SNX13: variants seen among roughly 807,000 people sequenced by gnomAD.
The protein encoded by SNX13 is sorting nexin 13.
SNX13 carries 45 observed loss-of-function variants against 133.6 expected under a neutral mutation model. The ratio of observed to expected loss-of-function variants is 0.34; its 90% CI spans 0.27 to 0.43. The LOEUF is 0.43. Among genes scored for constraint, SNX13 ranks in the 20% least tolerant of loss-of-function variants. SNX13 has a pLI of 1.00. For missense variants in SNX13, 1,032 were observed against 1,145.1 expected (o/e 0.90, Z 1.43); for synonymous variants, 414 against 373.9 (o/e 1.11, Z -1.24).
intron 15 of SNX13, among the ~76,000 whole-genome samples, chr7:17,833,139 CATCCAACCCTAGATA>C (rs1788717621): frequency 6.6e-6 from 1 of 151,540 alleles, no homozygotes; most frequent in South Asian, 2.1e-4. Flanking sequence ...CCAGAAAGAT[CATCCAACCCTAGATA>C]TTTAATTAGA....
intron 9 of SNX13, among the ~76,000 whole-genome samples, chr7:17,857,080 T>C (rs1792001376): frequency 6.6e-6 from 1 of 151,816 alleles, no homozygotes; most frequent in Non-Finnish European, 1.5e-5. Flanking sequence ...AACTGAAATA[T>C]AAAGAATCAT....
chr7:17,921,469 C>G (rs1800123770), intron 1 of SNX13, among the ~76,000 whole-genome samples: 1 of 152,168 alleles, frequency 6.6e-6, no homozygotes, highest in Non-Finnish European at 1.5e-5. Context: ...TCCCCGACAA[C>G]TTCACTATTT....
intron 5 of SNX13, among the ~76,000 whole-genome samples, chr7:17,885,297 CAA>C (rs369504773): frequency 1.1e-4 from 13 of 120,998 alleles, no homozygotes; most frequent in Non-Finnish European, 5.4e-5. Context: ...TCCATAGAGA[CAA>C]AAAAAAAAAA....
rs533144902 is a variant in SNX13 at position 17,916,823 on chromosome 7, A to G, written c.13-19377T>C. ...CCCTAACTCATTCTACAAAACCAGAATCATCCTGATACCAATTTCTGGCAA... is the reference window on the plus strand; with the variant it reads ...CCCTAACTCATTCTACAAAACCAGAGTCATCCTGATACCAATTTCTGGCAA... On this transcript the variant is annotated intron_variant, in intron 1 of 25. Coordinates refer to ENST00000428135, the MANE Select transcript of SNX13 (RefSeq NM_015132.5). Among the ~76,000 whole-genome samples, 13 of 152,266 alleles carry G rather than the reference A, an allele frequency of 8.5e-5. No homozygotes were observed. In the South Asian group the frequency reaches 2.1e-3, roughly 24 times the overall value.
chr7:17,868,350 T>C (rs1461680979), intron 9 of SNX13, 57 bp downstream of exon 9: 2 of 1,315,298 alleles, frequency 1.5e-6, no homozygotes, highest in African/African-American at 1.5e-5. Context: ...CCCAACTATA[T>C]TTTTACATTT....
intron 15 of SNX13, chr7:17,830,609 T>C (rs879792858): frequency 6.6e-5 from 65 of 984,020 alleles, no homozygotes; most frequent in Non-Finnish European, 7.6e-5. Flanking sequence ...AAACTGCATA[T>C]GCAATTCCAT....
At chr7:17,915,565 C>T (rs1799461225) in intron 1 of SNX13, among the ~76,000 whole-genome samples, 2 of 152,158 alleles carry the variant, frequency 1.3e-5, no homozygotes, top group Non-Finnish European at 2.9e-5. Flanking sequence ...GGTGGAGCAG[C>T]CCAACAGGTG....
At chr7:17,895,879 T>C (rs144101780) in intron 2 of SNX13, among the ~76,000 whole-genome samples, 2,286 of 152,324 alleles carry the variant, frequency 0.015, 58 homozygotes, top group African/African-American at 0.053. Flanking sequence ...CCTTAGCCTA[T>C]AAAGCTGCAA....
intron 9 of SNX13, among the ~76,000 whole-genome samples, chr7:17,857,193 T>C (rs1315042564): frequency 6.6e-6 from 1 of 151,868 alleles, no homozygotes; most frequent in African/African-American, 2.4e-5. Context: ...CATAAAGAAA[T>C]AGAAAATCTG....
Position 17,867,600 on chromosome 7 carries a change from A to G in SNX13, c.837+807T>C, listed in dbSNP as rs192442711. On this transcript the variant is annotated intron_variant, in intron 9 of 25. Coordinates refer to ENST00000428135, the MANE Select transcript of SNX13 (RefSeq NM_015132.5). ...AGCCTGGATGAAAGAGTGAGATCCC[A>G]TCTCAAAAATAAATAAATAAAAATA... is the stretch of plus-strand genomic sequence containing the variant. 5.3e-3 allele frequency among the ~76,000 whole-genome samples: 801 copies of G among 151,946 alleles called. 8 individuals carry two copies. The highest frequency in any genetic ancestry group is 0.017 in the Middle Eastern group (5 of 294).
intron 1 of SNX13, 109 bp downstream of exon 1, chr7:17,940,175 C>T: frequency 6.9e-7 from 1 of 1,448,990 alleles, no homozygotes; most frequent in Non-Finnish European, 9.5e-7. Context: ...GCCCTGGAGC[C>T]CACGGCGAAG....
intron 2 of SNX13, among the ~76,000 whole-genome samples, chr7:17,895,187 C>T (rs938293664): frequency 6.6e-6 from 1 of 152,020 alleles, no homozygotes; most frequent in Non-Finnish European, 1.5e-5. Context: ...GATAGGAAGA[C>T]AAGATAAAGA....
At chr7:17,845,848 T>C (rs11768125) in intron 11 of SNX13, among the ~76,000 whole-genome samples, 154 bp from the exon 12 acceptor site, 2 of 152,220 alleles carry the variant, frequency 1.3e-5, no homozygotes, top group Non-Finnish European at 2.9e-5. Context: ...ATATACATTG[T>C]GTGAATTTAA....
chr7:17,837,574 T>C (rs1394175653), intron 13 of SNX13, among the ~76,000 whole-genome samples: 5 of 152,042 alleles, frequency 3.3e-5, no homozygotes, highest in African/African-American at 1.2e-4. Flanking sequence ...ATGGCTTGTT[T>C]GGTAGGTAGA....
rs1461896426 is a variant in SNX13, at chr7:17,940,416, G to A, written c.-121C>T. On this transcript the variant is annotated 5_prime_UTR_variant, in exon 1 of 26. Transcript: ENST00000428135. ...CAACTGCTCCTTCAGTCTTCTCCCG[G>A]GCGGCGGTTTTACTCGGCTTCGCTG... The A allele has an allele frequency of 4.1e-6, 5 of 1,224,038 alleles. No homozygotes were observed. Among genetic ancestry groups the A allele is most frequent in the African/African-American group, 1.5e-5 (1 of 66,856 alleles). 75.8% of individuals were successfully genotyped at this position (1,224,038 alleles called of 1,614,324 possible).
At chr7:17,880,395 T>C (rs1224028581) in intron 5 of SNX13, 1 of 152,228 alleles carries the variant, frequency 6.6e-6, no homozygotes, top group African/African-American at 2.4e-5. Flanking sequence ...AGTTGACTGT[T>C]AATTAAACGA....
chr7:17,809,683 C>T (rs1163683704), intron 20 of SNX13, among the ~76,000 whole-genome samples: 2 of 152,208 alleles, frequency 1.3e-5, no homozygotes, highest in African/African-American at 4.8e-5. Context: ...CTCAGCACCA[C>T]ATCGCACTTA....
chr7:17,875,889 G>A, intron 5 of SNX13, 99 bp from the exon 6 acceptor site: 2 of 955,848 alleles, frequency 2.1e-6, no homozygotes, highest in Non-Finnish European at 3.0e-6. Context: ...GATTATCTGA[G>A]ACTGTAAATT....
chr7:17,893,679 G>T (rs1796884312), intron 2 of SNX13, among the ~76,000 whole-genome samples: 1 of 152,074 alleles, frequency 6.6e-6, no homozygotes. Context: ...ATTTCCTAAA[G>T]AATCTTGTGA....
Sources: allele counts gnomAD v4.1 joint callset (sites outside exome capture counted in the v4.1 genomes callset), GRCh38; gene constraint gnomAD v4.1.1; transcripts MANE v1.5; gene names NCBI Gene and HGNC (gene_info 2026-07-23, HGNC 2026-07-21).